ZNF346: variants seen among roughly 807,000 people sequenced by gnomAD.
ZNF346 encodes double-stranded RNA-binding zinc finger protein JAZ.
A neutral mutation model predicts 33.7 loss-of-function variants in ZNF346; 23 were observed. That is an observed-to-expected ratio of 0.68 (90% confidence interval 0.49 to 0.97). The LOEUF (loss-of-function observed/expected upper bound fraction) is 0.97, where lower values mean the gene tolerates loss of function less well. Ranked by LOEUF, ZNF346 falls within the 50% of genes least tolerant of loss-of-function variation. The pLI, the probability that ZNF346 is intolerant of heterozygous loss-of-function variation, is 0.00. For missense variants in ZNF346, 340 were observed against 371.1 expected (o/e 0.92, Z 0.69); for synonymous variants, 134 against 142.4 (o/e 0.94, Z 0.42).
At chr5:177,030,704 C>T (rs555896763) in intron 1 of ZNF346, among the ~76,000 whole-genome samples, 19 of 152,116 alleles carry the variant, frequency 1.2e-4, no homozygotes, top group Admixed American at 1.2e-3. Flanking sequence ...AGTATATTCA[C>T]AGAGTTCTGC....
At chr5:177,037,905 C>T (rs780956021) in intron 1 of ZNF346, among the ~76,000 whole-genome samples, 2 of 152,106 alleles carry the variant, frequency 1.3e-5, no homozygotes, top group Admixed American at 6.6e-5. Context: ...GCTGTCTCTC[C>T]AACTTAATTT....
intron 1 of ZNF346, among the ~76,000 whole-genome samples, chr5:177,040,611 C>G (rs1213494075): frequency 1.3e-5 from 2 of 152,240 alleles, no homozygotes; most frequent in Non-Finnish European, 2.9e-5. Flanking sequence ...TCCCAAAGTG[C>G]TAGGATTACA....
intron 5 of ZNF346, among the ~76,000 whole-genome samples, chr5:177,058,974 A>G (rs1782128460): frequency 6.6e-6 from 1 of 152,124 alleles, no homozygotes; most frequent in South Asian, 2.1e-4. Flanking sequence ...GCCTCAAGTG[A>G]TCCACCCGCC....
At chr5:177,047,825 G>C (rs900481356) in intron 4 of ZNF346, among the ~76,000 whole-genome samples, 2 of 152,042 alleles carry the variant, frequency 1.3e-5, no homozygotes, top group Admixed American at 1.3e-4. Context: ...TATTACTAGC[G>C]ATGGGGTTTC....
At chr5:177,073,703 G>T (rs1783608036) in intron 8 of ZNF346, among the ~76,000 whole-genome samples, 1 of 152,122 alleles carries the variant, frequency 6.6e-6, no homozygotes, top group Admixed American at 6.6e-5. Context: ...AACTAGAAGA[G>T]GCGAGTTGTG....
downstream of ZNF346, among the ~76,000 whole-genome samples, chr5:177,070,746 C>A (rs1783462126): frequency 1.3e-5 from 2 of 152,092 alleles, no homozygotes; most frequent in African/African-American, 4.8e-5. Flanking sequence ...TCTGGCATAG[C>A]CCCATGTAAT....
At chr5:177,069,616 G>A (rs930959011), downstream of ZNF346, among the ~76,000 whole-genome samples, 3 of 151,976 alleles carry the variant, frequency 2.0e-5, no homozygotes, top group Non-Finnish European at 4.4e-5. Context: ...CTGCAGCCTC[G>A]ACCTCCTGGG....
chr5:177,067,289 G>A lies in ZNF346; in HGVS notation c.*2690G>A, dbSNP rs1344112974. ...TTTAAAAAAAGAAAGGAATGTTATG[G>A]CCTCAAGAGCTCTTTGTCCATCCTT... is the stretch of plus-strand genomic sequence containing the variant. On this transcript the variant is annotated 3_prime_UTR_variant, in exon 7 of 7. Transcript: ENST00000358149. Among the ~76,000 whole-genome samples the A allele has an allele frequency of 2.0e-5, 3 of 152,110 alleles. No homozygotes were observed. Among genetic ancestry groups the A allele is most frequent in the Admixed American group, 2.0e-4 (3 of 15,262 alleles).
Position 177,064,716 on chromosome 5 carries a change from G to A in ZNF346, c.*117G>A. On this transcript the variant is annotated 3_prime_UTR_variant, in exon 7 of 7. Transcript: ENST00000358149. ...CACCAGGAAAGTACACGGGCCTGAG[G>A]CAGGATTGGGCCACAGACAGCCTCT... 1.3e-6 allele frequency: 1 copy of A among 783,738 alleles called. No individual in the cohort carries two copies. Among genetic ancestry groups the A allele is most frequent in the Non-Finnish European group, 2.2e-6 (1 of 457,626 alleles). The allele number at this position is 783,738 out of a possible 1,614,324, so 48.5% of individuals were successfully genotyped here. A position where few individuals can be genotyped will look rare whatever the true frequency, so the allele number is the denominator to read the frequency against.
intron 2 of ZNF346, 147 bp from the exon 3 acceptor site, chr5:177,041,631 C>T (rs1779349140): frequency 3.3e-6 from 2 of 612,442 alleles, no homozygotes; most frequent in Non-Finnish European, 5.9e-6. Flanking sequence ...AAATGCCTTG[C>T]ACAGAGCAGG....
At chr5:177,076,690 G>A (rs1461574742) in intron 8 of ZNF346, among the ~76,000 whole-genome samples, 1 of 152,196 alleles carries the variant, frequency 6.6e-6, no homozygotes. Flanking sequence ...TCCCATTGCA[G>A]TGGTCCCTGT....
chr5:177,024,204 T>TG (rs1452089885), intron 1 of ZNF346, among the ~76,000 whole-genome samples: 3 of 134,314 alleles, frequency 2.2e-5, no homozygotes, highest in African/African-American at 8.5e-5. Context: ...TCTCTCCTTT[T>TG]TTTTTTTTTT....
chr5:177,064,448 A>T, intron 6 of ZNF346, 64 bp from the exon 7 acceptor site: 1 of 1,314,736 alleles, frequency 7.6e-7, no homozygotes, highest in South Asian at 1.2e-5. Context: ...CAGTGCTATC[A>T]TTGCAGTAGG....
At chr5:177,054,538 A>G (rs1171656669) in intron 5 of ZNF346, among the ~76,000 whole-genome samples, 3 of 151,922 alleles carry the variant, frequency 2.0e-5, no homozygotes, top group African/African-American at 7.3e-5. Context: ...AGCTGGGATT[A>G]CAGGTGCCCA....
At chr5:177,037,580 C>G (rs1778678111) in intron 1 of ZNF346, among the ~76,000 whole-genome samples, 1 of 152,222 alleles carries the variant, frequency 6.6e-6, no homozygotes, top group Admixed American at 6.5e-5. Flanking sequence ...ACCCCCACAT[C>G]CAGTCTAAGA....
intron 6 of ZNF346, among the ~76,000 whole-genome samples, chr5:177,064,005 C>A (rs937563490): frequency 6.6e-6 from 1 of 152,146 alleles, no homozygotes; most frequent in Non-Finnish European, 1.5e-5. Flanking sequence ...TTAGGATACC[C>A]CCTCCCAAAC....
downstream of ZNF346, among the ~76,000 whole-genome samples, chr5:177,071,041 C>G (rs1783475138): frequency 6.6e-6 from 1 of 152,162 alleles, no homozygotes; most frequent in Non-Finnish European, 1.5e-5. Context: ...AGTGCAGACA[C>G]AGATCTAGAC....
At chr5:177,051,944 A>G (rs1338723525) in intron 5 of ZNF346, 1 of 152,002 alleles carries the variant, frequency 6.6e-6, no homozygotes, top group African/African-American at 2.4e-5. Flanking sequence ...TAGGAGGATC[A>G]CTTGAGCCTA....
At chr5:177,075,110 C>A (rs1166808170) in intron 8 of ZNF346, among the ~76,000 whole-genome samples, 1 of 149,896 alleles carries the variant, frequency 6.7e-6, no homozygotes, top group Admixed American at 6.7e-5. Context: ...TAAAATATAT[C>A]TACATTTTGG....
Sources: allele counts gnomAD v4.1 joint callset (sites outside exome capture counted in the v4.1 genomes callset), GRCh38; gene constraint gnomAD v4.1.1; transcripts MANE v1.5; gene names NCBI Gene and HGNC (gene_info 2026-07-23, HGNC 2026-07-21).